CHRNB4: variants seen among roughly 807,000 people sequenced by gnomAD.
The protein encoded by CHRNB4 is neuronal acetylcholine receptor subunit beta-4.
In CHRNB4, 23 loss-of-function variants were observed where a neutral mutation model predicts 40.4. That is an observed-to-expected ratio of 0.57 (90% CI 0.41 to 0.81). The LOEUF (loss-of-function observed/expected upper bound fraction) is 0.81. CHRNB4 is among the 30% of genes least tolerant of loss of function. The pLI, the probability that CHRNB4 is intolerant of heterozygous loss-of-function variation, is 0.00. For synonymous variants in CHRNB4, 285 were observed against 274.4 expected (o/e 1.04, Z -0.38); for missense variants, 568 against 670.6 (o/e 0.85, Z 1.69).
At chr15:78,659,267 A>G (rs1321430945) in intron 1 of CHRNB4, among the ~76,000 whole-genome samples, 1 of 152,102 alleles carries the variant, frequency 6.6e-6, no homozygotes, top group Non-Finnish European at 1.5e-5. Context: ...CATCTCTTCC[A>G]AAACAAACAA....
intron 6 of CHRNB4, among the ~76,000 whole-genome samples, chr15:78,650,580 C>A (rs901360646): frequency 2.6e-5 from 4 of 152,170 alleles, no homozygotes; most frequent in African/African-American, 9.7e-5. Flanking sequence ...TGAGGAGAAG[C>A]CTTACAGAGG....
At chr15:78,643,937 C>T (rs2054102415), upstream of CHRNB4, among the ~76,000 whole-genome samples, 1 of 148,314 alleles carries the variant, frequency 6.7e-6, no homozygotes, top group Non-Finnish European at 1.5e-5. Context: ...ATCACGATGT[C>T]AGGAGATCGA....
chr15:78,630,634 C>G (rs1441721251), intron 4 of CHRNB4, among the ~76,000 whole-genome samples: 4 of 152,188 alleles, frequency 2.6e-5, no homozygotes, highest in Non-Finnish European at 5.9e-5. Flanking sequence ...GTCCCCAGAC[C>G]ACACACTTTG....
intron 6 of CHRNB4, among the ~76,000 whole-genome samples, chr15:78,651,427 C>G (rs868363261): frequency 7.9e-5 from 12 of 152,338 alleles, no homozygotes; most frequent in African/African-American, 2.9e-4. Context: ...CCTGCACTGA[C>G]CCTAAGTCTA....
rs770594774 is a variant in CHRNB4, at chr15:78,629,340, C to T, written c.965G>A (p.Arg322His). The T allele has an allele frequency of 1.5e-5, 25 of 1,613,862 alleles. No homozygotes were observed. Among genetic ancestry groups the T allele is most frequent in the South Asian group, 1.1e-5 (1 of 91,078 alleles). ...TSVCVLNVHH[R>H]SPSTHTMAPW... ...TGCCATGGTGTGGGTGCTGGGCGAG[C>T]GGTGGTGCACATTGAGCACACAGAC... The change falls in exon 5 of 6, where the codon CGC (arginine) becomes CAC (histidine). Residue 322 changes from arginine to histidine, a missense_variant. Arg to His is a conservative substitution (Grantham distance 29). This residue lies in a region of CHRNB4 where 242 missense variants were observed against 274.9 expected (regional missense o/e 0.88). Coordinates refer to ENST00000261751, the MANE Select transcript of CHRNB4 (RefSeq NM_000750.5). This position sits in a 1 kb window ranked among gnomAD's most constrained non-coding sequence, Gnocchi z 6.8.
chr15:78,631,796 C>T (rs958127307), intron 2 of CHRNB4, among the ~76,000 whole-genome samples: 6 of 152,254 alleles, frequency 3.9e-5, no homozygotes, highest in African/African-American at 1.4e-4. Context: ...CAGGGTGATC[C>T]CTTTACAATC....
At chr15:78,654,915 G>T (rs2054199951) in intron 5 of CHRNB4, among the ~76,000 whole-genome samples, 1 of 152,072 alleles carries the variant, frequency 6.6e-6, no homozygotes, top group African/African-American at 2.4e-5. Flanking sequence ...TTTCTAAATG[G>T]TATAGATTTA....
At chr15:78,657,372 G>GCACAACCTC (rs2054223343) in exon 3 of CHRNB4, 1 of 152,104 alleles carries the variant, frequency 6.6e-6, no homozygotes, top group South Asian at 2.1e-4. Flanking sequence ...TCCTCCACCA[G>GCACAACCTC]CTGCACAACA....
chr15:78,641,053 T>C, intron 1 of CHRNB4, 26 bp downstream of exon 1: 2 of 1,518,222 alleles, frequency 1.3e-6, no homozygotes, highest in South Asian at 1.2e-5. Context: ...CAGGCGCCCC[T>C]CCCTCCTTCC....
In CHRNB4 at chr15:78,633,643, A is replaced by G. The variant is rs538953715; in HGVS notation, c.204+1796T>C. Among the ~76,000 whole-genome samples the G allele has an allele frequency of 1.3e-4, 20 of 151,930 alleles. 1 individual carries two copies. In the South Asian group the frequency reaches 4.2e-3, roughly 32 times the overall value. On this transcript the variant is annotated intron_variant, in intron 2 of 5. Coordinates refer to ENST00000261751, the MANE Select transcript of CHRNB4 (RefSeq NM_000750.5). ...CAGCATCAGATCTGCCCCCCTGCATACCCCCGATCTCTTGCCAAGTGGCAT... is the reference window on the plus strand; with the variant it reads ...CAGCATCAGATCTGCCCCCCTGCATGCCCCCGATCTCTTGCCAAGTGGCAT...
At position 78,624,723 on chromosome 15, in the gene CHRNB4, A is replaced by G. The variant is rs2053611256; in HGVS notation, c.*410T>C. ...AAAAAAAAAAGATGATGATATGGCAAATGCCAAGCCTCTGAGCTGGGAAGA... is the reference window on the plus strand; with the variant it reads ...AAAAAAAAAAGATGATGATATGGCAGATGCCAAGCCTCTGAGCTGGGAAGA... On this transcript the variant is annotated 3_prime_UTR_variant, in exon 6 of 6. Coordinates refer to ENST00000261751, the MANE Select transcript of CHRNB4 (RefSeq NM_000750.5). 1 of 409,676 alleles carries G rather than the reference A, an allele frequency of 2.4e-6. No individual in the cohort carries two copies. Among genetic ancestry groups the G allele is most frequent in the Non-Finnish European group, 4.3e-6 (1 of 233,524 alleles). 25.4% of individuals were successfully genotyped at this position (409,676 alleles called of 1,614,324 possible). A position where few individuals can be genotyped will look rare whatever the true frequency, so the allele number is the denominator to read the frequency against.
At chr15:78,630,854 G>T (rs2053790316) in intron 4 of CHRNB4, 9 of 549,526 alleles carry the variant, frequency 1.6e-5, no homozygotes, top group Non-Finnish European at 3.0e-5. Flanking sequence ...CTGCTTCAGT[G>T]AATCAGACAA....
At chr15:78,649,385 C>T in exon 7 of CHRNB4, 1 of 454,692 alleles carries the variant, frequency 2.2e-6, no homozygotes. Flanking sequence ...TCACATAATA[C>T]AATATGATCT....
At chr15:78,636,157 T>A (rs117385892) in intron 1 of CHRNB4, among the ~76,000 whole-genome samples, 1 of 152,190 alleles carries the variant, frequency 6.6e-6, no homozygotes, top group African/African-American at 2.4e-5. Flanking sequence ...TCCACCCACA[T>A]TGGCCACTCA....
At chr15:78,649,004 G>A (rs1011674938) in intron 7 of CHRNB4, among the ~76,000 whole-genome samples, 10 of 152,188 alleles carry the variant, frequency 6.6e-5, no homozygotes, top group South Asian at 2.1e-4. Context: ...TCTCAAACTC[G>A]TGGGCTCAAG....
At chr15:78,635,319 C>G in intron 2 of CHRNB4, 120 bp downstream of exon 2, 1 of 1,236,058 alleles carries the variant, frequency 8.1e-7, no homozygotes, top group Non-Finnish European at 1.1e-6. Context: ...CTCCCTGACA[C>G]GTACTGGTAA....
intron 5 of CHRNB4, chr15:78,655,448 C>A (rs1343401897): frequency 1.7e-5 from 2 of 118,050 alleles, no homozygotes; most frequent in African/African-American, 6.8e-5. Context: ...ATATCTATAT[C>A]TATATATATC....
intron 7 of CHRNB4, among the ~76,000 whole-genome samples, chr15:78,646,985 A>G (rs553349903): frequency 6.6e-6 from 1 of 152,026 alleles, no homozygotes; most frequent in African/African-American, 2.4e-5. Flanking sequence ...CTCTCTCTAT[A>G]TAAAAAATTA....
chr15:78,648,244 T>G (rs1293979643), intron 7 of CHRNB4, among the ~76,000 whole-genome samples: 1 of 150,920 alleles, frequency 6.6e-6, no homozygotes, highest in Non-Finnish European at 1.5e-5. Flanking sequence ...ATACAAAAAA[T>G]TAGCTGGGTG....
Sources: allele counts gnomAD v4.1 joint callset (sites outside exome capture counted in the v4.1 genomes callset), GRCh38; gene constraint gnomAD v4.1.1; regional missense constraint gnomAD v4.1.1; non-coding constraint Gnocchi (gnomAD v3.1); transcripts MANE v1.5; gene names NCBI Gene and HGNC (gene_info 2026-07-23, HGNC 2026-07-21).